GRHL3: variants seen among roughly 807,000 people sequenced by gnomAD.
GRHL3 encodes the protein grainyhead like transcription factor 3.
Under a neutral mutation model 70.3 loss-of-function variants are expected in GRHL3, and 20 were observed. The ratio of observed to expected loss-of-function variants is 0.28; its 90% CI spans 0.20 to 0.41. The LOEUF is 0.41. Ranked by LOEUF, GRHL3 falls within the 10% of genes least tolerant of loss-of-function variation. GRHL3 has a pLI of 1.00. For missense variants in GRHL3, 637 were observed against 762.3 expected (o/e 0.84, Z 1.94); for synonymous variants, 299 against 299.9 (o/e 1.00, Z 0.03).
At chr1:24,329,926 A>G (rs1639539392) in intron 1 of GRHL3, among the ~76,000 whole-genome samples, 2 of 152,202 alleles carry the variant, frequency 1.3e-5, no homozygotes, top group Non-Finnish European at 2.9e-5. Flanking sequence ...AGCATGTGCA[A>G]TAACCAGTGA....
intron 14 of GRHL3, among the ~76,000 whole-genome samples, chr1:24,347,765 G>T (rs1465374813): frequency 6.6e-6 from 1 of 152,186 alleles, no homozygotes. Context: ...ACTCCACCCT[G>T]GGAGTCGCAC....
intron 2 of GRHL3, among the ~76,000 whole-genome samples, chr1:24,333,256 G>A (rs1017109299): frequency 1.3e-5 from 2 of 152,164 alleles, no homozygotes; most frequent in Non-Finnish European, 2.9e-5. Context: ...ATGGTCTGAT[G>A]GTGTGGAAGG....
Position 24,337,060 on chromosome 1 carries a change from G to A in GRHL3, c.613-18G>A. The A allele has an allele frequency of 6.2e-7, 1 of 1,612,516 alleles. No homozygotes were observed. ...TGAATGTGAGCATTTATTCTCTTGG[G>A]GCTGTGTTTCTCTGCAGTCGATGCT... On this transcript the variant is annotated intron_variant, in intron 4 of 15. Transcript: ENST00000361548.
At position 24,321,440 on chromosome 1, in the gene GRHL3, C is replaced by A. The variant is rs536462380; in HGVS notation, c.17+1872C>A. 3.3e-5 allele frequency among the ~76,000 whole-genome samples: 5 copies of A among 152,214 alleles called. No individual in the cohort carries two copies. Among genetic ancestry groups the A allele is most frequent in the Non-Finnish European group, 7.3e-5 (5 of 68,042 alleles). On this transcript the variant is annotated intron_variant, in intron 1 of 15. Coordinates refer to ENST00000361548, the MANE Select transcript of GRHL3 (RefSeq NM_198173.3). The surrounding 1 kb of genome is among the most constrained non-coding windows in gnomAD (Gnocchi z 4.0). ...GCTTGCAAGTTCTGAGCTGCTGTTG[C>A]TTCTGCGGCCTCGACATTCTCCTAA...
At chr1:24,346,168 CGAT>C (rs1313972566) in intron 12 of GRHL3, among the ~76,000 whole-genome samples, 1 of 148,112 alleles carries the variant, frequency 6.8e-6, no homozygotes, top group Non-Finnish European at 1.5e-5. Flanking sequence ...TAAAAAGGAA[CGAT>C]GATGATGACG....
chr1:24,335,787 T>G (rs930588267), intron 3 of GRHL3, among the ~76,000 whole-genome samples: 1 of 152,138 alleles, frequency 6.6e-6, no homozygotes, highest in Non-Finnish European at 1.5e-5. Flanking sequence ...TTTCACCATA[T>G]TAGCCAGGAT....
At chr1:24,324,863 A>C (rs115453535) in intron 1 of GRHL3, among the ~76,000 whole-genome samples, 1,787 of 152,188 alleles carry the variant, frequency 0.012, 27 homozygotes, top group African/African-American at 0.041. Flanking sequence ...TTACAGAGCC[A>C]TGCCCTACAC....
chr1:24,345,585 A>G (rs1014246521), intron 12 of GRHL3, among the ~76,000 whole-genome samples: 2 of 152,122 alleles, frequency 1.3e-5, no homozygotes, highest in African/African-American at 4.8e-5. Flanking sequence ...GCAGATTCAG[A>G]GAGAAGAGGG....
intron 2 of GRHL3, among the ~76,000 whole-genome samples, chr1:24,333,139 A>G (rs1399326126): frequency 6.6e-6 from 1 of 152,174 alleles, no homozygotes; most frequent in Non-Finnish European, 1.5e-5. Context: ...GGTGACATTG[A>G]TAATACTGGT....
At chr1:24,340,725 C>A (rs1287273767) in intron 8 of GRHL3, among the ~76,000 whole-genome samples, 1 of 152,178 alleles carries the variant, frequency 6.6e-6, no homozygotes, top group Admixed American at 6.5e-5. Context: ...GATGGCCAGG[C>A]TGCCTGGAGA....
chr1:24,362,578 C>G lies in GRHL3; in HGVS notation c.1695-1607C>G, dbSNP rs116833624. Among the ~76,000 whole-genome samples the G allele has an allele frequency of 9.4e-3, 1,435 of 152,334 alleles. 5 individuals are homozygous for G. The highest frequency in any genetic ancestry group is 0.016 in the Non-Finnish European group (1,088 of 68,024). On this transcript the variant is annotated intron_variant, in intron 15 of 15. Coordinates refer to the GRHL3 transcript ENST00000350501. ...AAGGTATGTAAAGCACCTAGTAGAG[C>G]ACCAGCACATAGTAGGTGCTCAATA...
intron 1 of GRHL3, among the ~76,000 whole-genome samples, chr1:24,330,025 G>C (rs966191133): frequency 6.6e-6 from 1 of 152,200 alleles, no homozygotes; most frequent in Non-Finnish European, 1.5e-5. Context: ...CAGAGCCAGT[G>C]AATCAGACAC....
chr1:24,349,545 C>T (rs978830882), intron 14 of GRHL3, among the ~76,000 whole-genome samples: 1 of 152,182 alleles, frequency 6.6e-6, no homozygotes, highest in Admixed American at 6.5e-5. Flanking sequence ...TGGATCAATC[C>T]ACTTAATTCT....
chr1:24,346,488 C>A, intron 12 of GRHL3, 65 bp from the exon 13 acceptor site: 1 of 1,092,170 alleles, frequency 9.2e-7, no homozygotes, highest in Non-Finnish European at 1.4e-6. Flanking sequence ...GGAGGCCCAG[C>A]AGGGTCCTTG....
At position 24,321,059 on chromosome 1, in the gene GRHL3, T is replaced by C. The variant is rs1639162536; in HGVS notation, c.17+1491T>C. Reference sequence around the variant, plus strand: ...AGCATTCCCAAACCTCTTGCTATTTTTCCATACTTTGAACGCGCAAAAAAA... The same window carrying C: ...AGCATTCCCAAACCTCTTGCTATTTCTCCATACTTTGAACGCGCAAAAAAA... On this transcript the variant is annotated intron_variant, in intron 1 of 15. Transcript: ENST00000361548. This position sits in a 1 kb window ranked among gnomAD's most constrained non-coding sequence, Gnocchi z 4.0. Among the ~76,000 whole-genome samples the C allele has an allele frequency of 6.6e-6, 1 of 152,214 alleles. No homozygotes were observed. Among genetic ancestry groups the C allele is most frequent in the African/African-American group, 2.4e-5 (1 of 41,446 alleles).
At chr1:24,349,127 G>A (rs901619495) in intron 14 of GRHL3, among the ~76,000 whole-genome samples, 4 of 152,196 alleles carry the variant, frequency 2.6e-5, no homozygotes, top group African/African-American at 7.2e-5. Context: ...AGTTCTGCAC[G>A]TCCAGGTGGT....
intron 11 of GRHL3, among the ~76,000 whole-genome samples, chr1:24,344,140 T>C (rs996788502): frequency 6.6e-6 from 1 of 152,126 alleles, no homozygotes; most frequent in Admixed American, 6.5e-5. Context: ...TCTCCACACC[T>C]GTGAGCCTGG....
chr1:24,332,945 T>C (rs10903078), intron 2 of GRHL3, among the ~76,000 whole-genome samples: 39,682 of 152,080 alleles, frequency 0.26, 5,939 homozygotes, highest in East Asian at 0.41. Flanking sequence ...CCCAGGTCGA[T>C]GGAAGAGGAG....
rs376734823 is a variant in GRHL3 at position 24,344,908 on chromosome 1, G to A, written c.1431G>A (p.Ser477=). 29 of 1,613,302 alleles carry A rather than the reference G, an allele frequency of 1.8e-5. No individual in the cohort carries two copies. Among genetic ancestry groups the A allele is most frequent in the East Asian group, 1.1e-4 (5 of 44,886 alleles). ...TCACTTCATTGCAGGCAGCCCCCTCGGCAGGACCCAGCAGCTCCAACAGGT... is the reference window on the plus strand; with the variant it reads ...TCACTTCATTGCAGGCAGCCCCCTCAGCAGGACCCAGCAGCTCCAACAGGT... The part of the protein sequence containing the change: ...SLQRSGGAAP[S]AGPSSSNRLP... Residue 477 remains serine (S), a synonymous_variant, in exon 12 of 16, where the codon TCG becomes TCA. Transcript: ENST00000361548.
Sources: gnomAD v4.1 joint callset for allele counts (sites outside exome capture counted in the v4.1 genomes callset) on GRCh38, gnomAD v4.1.1 for gene constraint, Gnocchi (gnomAD v3.1) non-coding constraint, MANE v1.5 for transcripts, NCBI Gene and HGNC (gene_info 2026-07-23, HGNC 2026-07-21) for gene names.